Variants in DAPK1 observed in about 807,000 individuals in gnomAD.
DAPK1 encodes death-associated protein kinase 1.
DAPK1 carries 56 observed loss-of-function variants against 144.9 expected under a neutral mutation model. The observed-to-expected ratio is 0.39, with a 90% CI of 0.31 to 0.48. DAPK1 has a LOEUF of 0.48. Among genes scored for constraint, DAPK1 ranks in the 20% least tolerant of loss-of-function variants. The pLI is 0.95. For missense variants in DAPK1, 1,454 were observed against 1,875.4 expected, an observed-to-expected ratio of 0.78 and a Z score of 4.15; for synonymous variants, 690 against 749.0, an observed-to-expected ratio of 0.92 and a Z score of 1.29.
chr9:87,631,947 A>C (rs1829701998), intron 3 of DAPK1: 1 of 451,550 alleles, frequency 2.2e-6, no homozygotes, highest in African/African-American at 2.0e-5. Context: ...TGCCTTCATG[A>C]ATTGGCACGA....
chr9:87,536,151 T>C (rs1825854723), intron 2 of DAPK1, among the ~76,000 whole-genome samples: 1 of 152,188 alleles, frequency 6.6e-6, no homozygotes, highest in African/African-American at 2.4e-5. Context: ...AGCAGTTTGG[T>C]GTCCTCAAAG....
chr9:87,556,818 T>C lies in DAPK1; in HGVS notation c.63-48136T>C, dbSNP rs140179924. 4.6e-5 allele frequency among the ~76,000 whole-genome samples: 7 copies of C among 152,290 alleles called. No homozygotes were observed. In the East Asian group the frequency reaches 1.4e-3, roughly 30 times the overall value. ...GGAATTGCTTTTCTTGGTCCTTGTT[T>C]CTAGTAGGGAGTGAGAATAGACATG... On this transcript the variant is annotated intron_variant, in intron 2 of 25. Transcript: ENST00000408954.
intron 2 of DAPK1, among the ~76,000 whole-genome samples, chr9:87,594,008 G>A (rs1222826858): frequency 6.6e-6 from 1 of 152,208 alleles, no homozygotes; most frequent in Non-Finnish European, 1.5e-5. Context: ...AGTGTGGTCA[G>A]CATTCATTGA....
chr9:87,689,478 T>C (rs925436000), intron 21 of DAPK1, among the ~76,000 whole-genome samples: 4 of 152,140 alleles, frequency 2.6e-5, no homozygotes, highest in Non-Finnish European at 5.9e-5. Flanking sequence ...CTCTTCACTC[T>C]GTTAATTGTT....
chr9:87,583,125 T>TG (rs1827812306), intron 2 of DAPK1, among the ~76,000 whole-genome samples: 1 of 151,978 alleles, frequency 6.6e-6, no homozygotes, highest in African/African-American at 2.4e-5. Flanking sequence ...GGCAAAGAAA[T>TG]GGTAAATAAG....
intron 14 of DAPK1, 146 bp from the exon 15 acceptor site, chr9:87,648,635 C>CT: frequency 1.5e-6 from 1 of 666,876 alleles, no homozygotes. Context: ...ATCCTAGCCA[C>CT]TATAGGGGCA....
chr9:87,626,932 T>C (rs1267665096), intron 3 of DAPK1, among the ~76,000 whole-genome samples: 1 of 152,044 alleles, frequency 6.6e-6, no homozygotes, highest in Non-Finnish European at 1.5e-5. Context: ...TGATAGTGCA[T>C]GCTTTTGGGG....
At chr9:87,696,284 T>C (rs1825257917) in intron 21 of DAPK1, among the ~76,000 whole-genome samples, 1 of 152,150 alleles carries the variant, frequency 6.6e-6, no homozygotes, top group South Asian at 2.1e-4. Context: ...TAGATACATA[T>C]ATACACACAC....
At chr9:87,601,891 G>C (rs914825821) in intron 2 of DAPK1, among the ~76,000 whole-genome samples, 1 of 152,270 alleles carries the variant, frequency 6.6e-6, no homozygotes, top group South Asian at 2.1e-4. Context: ...GGTTCTCAGG[G>C]TTATAGATTC....
At position 87,700,229 on chromosome 9, in the gene DAPK1, A is replaced by T. The variant is rs1402753642; in HGVS notation, c.2863A>T (p.Ile955Phe). Reference protein sequence around the residue: ...RNHLQEIRSQIVSVCPPMTHL... With the variant: ...RNHLQEIRSQFVSVCPPMTHL... ...TCATCTGCAAGAAATACGAAGCCAG[A>T]TTGTTTCGGTAAGTACACCATGGAA... Residue 955 changes from isoleucine (I) to phenylalanine (F), a missense_variant, in exon 24 of 26, where the codon ATT becomes TTT. Physicochemically the swap from Ile to Phe is conservative, Grantham distance 21. Coordinates refer to ENST00000408954, the MANE Select transcript of DAPK1 (RefSeq NM_004938.4). 1 of 1,611,938 alleles carries T rather than the reference A, an allele frequency of 6.2e-7. No homozygotes were observed. The highest frequency in any genetic ancestry group is 1.1e-5 in the South Asian group (1 of 91,038).
rs1012768934 is a variant in DAPK1, at chr9:87,506,800, A to G, written c.62+7661A>G. The G allele has an allele frequency of 1.2e-4, 19 of 152,252 alleles. 1 individual carries two copies. The highest frequency in any genetic ancestry group is 4.1e-4 in the African/African-American group (17 of 41,472). The allele number at this position is 152,252 out of a possible 1,614,324, so 9.4% of individuals were successfully genotyped here. On this transcript the variant is annotated intron_variant, in intron 2 of 25. Coordinates refer to ENST00000408954, the MANE Select transcript of DAPK1 (RefSeq NM_004938.4). ...TGTATGACTTTGGGTACATTCTATTATAAACGAATTTTTTTAAAGGTGCAG... is the reference window on the plus strand; with the variant it reads ...TGTATGACTTTGGGTACATTCTATTGTAAACGAATTTTTTTAAAGGTGCAG...
chr9:87,697,415 T>C (rs984698648), intron 22 of DAPK1, among the ~76,000 whole-genome samples: 6 of 152,214 alleles, frequency 3.9e-5, no homozygotes, highest in African/African-American at 1.4e-4. Context: ...TTCATGAGGC[T>C]CAAGTGTTCG....
At chr9:87,538,318 A>G (rs1414659077) in intron 2 of DAPK1, among the ~76,000 whole-genome samples, 3 of 152,088 alleles carry the variant, frequency 2.0e-5, no homozygotes, top group African/African-American at 7.2e-5. Flanking sequence ...AACTGGGAAG[A>G]AAAAAAATCA....
At chr9:87,532,000 C>T (rs900030489) in intron 2 of DAPK1, among the ~76,000 whole-genome samples, 8 of 152,198 alleles carry the variant, frequency 5.3e-5, no homozygotes, top group Admixed American at 2.0e-4. Flanking sequence ...CTAACAAACA[C>T]GTTCCTGAAC....
rs1417910074 is a variant in DAPK1, at chr9:87,707,801, T to G, written c.*437T>G. ...ATTTCTTATACGCTTTTCTTTGTTA[T>G]ACCATTTCCTCAGCTTATCTCTTTT... On this transcript the variant is annotated 3_prime_UTR_variant, in exon 26 of 26. Coordinates refer to ENST00000408954, the MANE Select transcript of DAPK1 (RefSeq NM_004938.4). This position sits in a 1 kb window ranked among gnomAD's most constrained non-coding sequence, Gnocchi z 4.0. The G allele has an allele frequency of 2.2e-6, 1 of 456,448 alleles. No homozygotes were observed. Among genetic ancestry groups the G allele is most frequent in the East Asian group, 6.9e-5 (1 of 14,446 alleles). 28.3% of individuals were successfully genotyped at this position (456,448 alleles called of 1,614,324 possible).
chr9:87,571,498 AACACACAC>A (rs768913480), intron 2 of DAPK1, among the ~76,000 whole-genome samples: 17 of 46,482 alleles, frequency 3.7e-4, no homozygotes, highest in African/African-American at 1.4e-3. Flanking sequence ...CACACACCCC[AACACACAC>A]ACACACACAC....
At chr9:87,562,764 T>C (rs1208136731) in intron 2 of DAPK1, among the ~76,000 whole-genome samples, 1 of 152,236 alleles carries the variant, frequency 6.6e-6, no homozygotes, top group Admixed American at 6.5e-5. Context: ...CCTTGCCAAG[T>C]GTAATTCATC....
At chr9:87,645,418 A>C (rs984581611) in intron 11 of DAPK1, among the ~76,000 whole-genome samples, 2 of 151,420 alleles carry the variant, frequency 1.3e-5, no homozygotes, top group South Asian at 4.1e-4. Context: ...AAGAAATTCA[A>C]GTGATCAGAA....
intron 18 of DAPK1, among the ~76,000 whole-genome samples, chr9:87,661,788 C>T (rs1041536001): frequency 3.3e-5 from 5 of 152,172 alleles, no homozygotes; most frequent in African/African-American, 1.2e-4. Flanking sequence ...TGTCTGTTCA[C>T]TCTGTTGATT....
Sources: gnomAD v4.1 joint callset for allele counts (sites outside exome capture counted in the v4.1 genomes callset) on GRCh38, gnomAD v4.1.1 for gene constraint, Gnocchi (gnomAD v3.1) non-coding constraint, MANE v1.5 for transcripts, NCBI Gene and HGNC (gene_info 2026-07-23, HGNC 2026-07-21) for gene names.